The following TBC1D31 variants were observed in gnomAD, a reference collection of about 807,000 sequenced individuals.
The protein encoded by TBC1D31 is WD repeat domain 67.
A neutral mutation model predicts 132.9 loss-of-function variants in TBC1D31; 99 were observed. The observed-to-expected ratio is 0.74, with a 90% CI of 0.63 to 0.88. The LOEUF (loss-of-function observed/expected upper bound fraction) is 0.88. Among genes scored for constraint, TBC1D31 ranks in the 40% least tolerant of loss-of-function variants. The pLI is 0.00. For synonymous variants in TBC1D31, 385 were observed against 419.4 expected, an observed-to-expected ratio of 0.92 and a Z score of 1.00; for missense variants, 1,134 against 1,256.6, an observed-to-expected ratio of 0.90 and a Z score of 1.48.
At chr8:123,157,911 A>C in the TBC1D31 span, among the ~76,000 whole-genome samples, 1 of 151,802 alleles carries the variant, frequency 6.6e-6, no homozygotes, top group Admixed American at 6.6e-5. Flanking sequence ...TGCAGGACTG[A>C]CTGCAAGACT....
intron 4 of TBC1D31, among the ~76,000 whole-genome samples, chr8:123,087,396 C>A (rs1034528187): frequency 6.6e-6 from 1 of 152,188 alleles, no homozygotes; most frequent in East Asian, 1.9e-4. Flanking sequence ...CAATGCATGT[C>A]AACCAAAAAT....
chr8:123,159,079 C>A, the TBC1D31 span, among the ~76,000 whole-genome samples: 1 of 152,080 alleles, frequency 6.6e-6, no homozygotes, highest in Non-Finnish European at 1.5e-5. Context: ...TCACCTAGAT[C>A]CAGCTGTTTC....
the TBC1D31 span, among the ~76,000 whole-genome samples, chr8:123,162,860 T>A: frequency 8.5e-5 from 13 of 152,068 alleles, no homozygotes; most frequent in Non-Finnish European, 1.2e-4. Context: ...TTAGATGGCG[T>A]CTCACTCTGT....
chr8:123,145,871 C>CTTTTTTTTTTTTTTTTTTTT (rs57816964), intron 20 of TBC1D31, among the ~76,000 whole-genome samples: 1 of 133,516 alleles, frequency 7.5e-6, no homozygotes. Flanking sequence ...TTCTCTTTTT[C>CTTTTTTTTTTTTTTTTTTTT]TTTTTTTTTT....
At chr8:123,133,181 G>A (rs1183890792) in intron 16 of TBC1D31, among the ~76,000 whole-genome samples, 5 of 152,216 alleles carry the variant, frequency 3.3e-5, no homozygotes, top group Non-Finnish European at 7.3e-5. Flanking sequence ...AAAGCTGATC[G>A]GTTTTTGCTG....
intron 20 of TBC1D31, among the ~76,000 whole-genome samples, chr8:123,145,056 T>C (rs977326073): frequency 1.3e-5 from 2 of 152,084 alleles, no homozygotes; most frequent in East Asian, 3.9e-4. Flanking sequence ...CCCAAGTAGC[T>C]GGGACCATAG....
chr8:123,109,923 T>C (rs558546927), intron 10 of TBC1D31, among the ~76,000 whole-genome samples: 1 of 152,246 alleles, frequency 6.6e-6, no homozygotes, highest in South Asian at 2.1e-4. Context: ...GTGAAACCTA[T>C]CTCTACTAAA....
intron 4 of TBC1D31, among the ~76,000 whole-genome samples, chr8:123,091,697 T>G (rs1816340854): frequency 6.6e-6 from 1 of 152,234 alleles, no homozygotes; most frequent in South Asian, 2.1e-4. Flanking sequence ...TATATGTGTG[T>G]GTGTTGTACA....
chr8:123,148,439 G>A (rs1822450459), intron 20 of TBC1D31, among the ~76,000 whole-genome samples: 1 of 152,078 alleles, frequency 6.6e-6, no homozygotes, highest in Non-Finnish European at 1.5e-5. Flanking sequence ...AGATGAGAGG[G>A]AGCTGTGAGA....
chr8:123,079,835 C>A (rs4871344), intron 2 of TBC1D31, among the ~76,000 whole-genome samples: 43,271 of 151,874 alleles, frequency 0.28, 6,417 homozygotes, highest in Non-Finnish European at 0.32. Context: ...AGTTCAGCCC[C>A]CATTACCTTA....
In TBC1D31 at chr8:123,072,860, C is replaced by T; in HGVS notation, c.77+14C>T. 6.4e-7 allele frequency: 1 copy of T among 1,554,350 alleles called. No individual in the cohort carries two copies. The highest frequency in any genetic ancestry group is 8.7e-7 in the Non-Finnish European group (1 of 1,148,988). On this transcript the variant is annotated intron_variant, in intron 1 of 21. Transcript: ENST00000287380. ...CACGCGGGACGGGTAAAGGCCGTGG[C>T]GGGAGGGCGCGGGCTGTGGAGGGGA...
Position 123,141,014 on chromosome 8 carries a change from T to C in TBC1D31, c.2640+113T>C, listed in dbSNP as rs1821608075. The stretch of plus-strand genomic sequence containing the variant: ...GTGAAGTTGAGTTAGTTTGTTTCTT[T>C]GCTTCAGTTGTCACAGTTCCTAGAA... On this transcript the variant is annotated intron_variant, in intron 18 of 21. Transcript: ENST00000287380. 10 of 985,626 alleles carry C rather than the reference T, an allele frequency of 1.0e-5. No individual in the cohort carries two copies. In the South Asian group the frequency reaches 1.5e-4, roughly 15 times the overall value. 61.1% of individuals were successfully genotyped at this position (985,626 alleles called of 1,614,324 possible).
intron 11 of TBC1D31, among the ~76,000 whole-genome samples, chr8:123,125,588 G>T (rs1484066965): frequency 6.6e-6 from 1 of 152,072 alleles, no homozygotes; most frequent in Non-Finnish European, 1.5e-5. Context: ...ATACACATTT[G>T]TTTTTATATA....
chr8:123,140,589 C>T (rs924013066), intron 17 of TBC1D31, among the ~76,000 whole-genome samples, 172 bp from the exon 18 acceptor site: 5 of 151,984 alleles, frequency 3.3e-5, no homozygotes, highest in African/African-American at 1.2e-4. Flanking sequence ...AGAGGATTTC[C>T]AGGGGTCCTT....
intron 20 of TBC1D31, 66 bp from the exon 21 acceptor site, chr8:123,149,970 T>C: frequency 5.2e-6 from 6 of 1,161,216 alleles, no homozygotes; most frequent in Non-Finnish European, 7.7e-6. Flanking sequence ...CTAGGGACCA[T>C]TTGGAATTAG....
chr8:123,155,751 C>A (rs1365066273), downstream of TBC1D31, among the ~76,000 whole-genome samples: 2 of 152,162 alleles, frequency 1.3e-5, no homozygotes. This position sits in a 1 kb window ranked among gnomAD's most constrained non-coding sequence, Gnocchi z 4.1. Context: ...TTAACCCTTC[C>A]CCAAAGAAAC....
the TBC1D31 span, among the ~76,000 whole-genome samples, chr8:123,157,437 C>G: frequency 1.3e-5 from 2 of 152,190 alleles, no homozygotes; most frequent in African/African-American, 4.8e-5. Context: ...CGTCCTGCCC[C>G]TGTCCCGTTT....
Position 123,134,096 on chromosome 8 carries a change from TTTG to T in TBC1D31, c.2407-12_2407-10del. The T allele has an allele frequency of 6.3e-7, 1 of 1,577,786 alleles. No individual in the cohort carries two copies. The highest frequency in any genetic ancestry group is 8.7e-7 in the Non-Finnish European group (1 of 1,155,704). Reference sequence around the variant, plus strand: ...TGTAAATTCTTTTTGGTATTTACAGTTTGTTGTTTGGCCATAGGTATATATGAG... The same window carrying T: ...TGTAAATTCTTTTTGGTATTTACAGTTTGTTTGGCCATAGGTATATATGAG... On this transcript the variant is annotated splice_polypyrimidine_tract_variant and intron_variant, in intron 16 of 21. Transcript: ENST00000287380.
chr8:123,130,343 T>C lies in TBC1D31; in HGVS notation c.2406+10T>C. On this transcript the variant is annotated intron_variant, in intron 16 of 21. Coordinates refer to ENST00000287380, the MANE Select transcript of TBC1D31 (RefSeq NM_145647.4). ...TGAAATTGGGAGAAAGGTTTATTATTCTTAACTTAGTTCTCATACATCATC... is the reference window on the plus strand; with the variant it reads ...TGAAATTGGGAGAAAGGTTTATTATCCTTAACTTAGTTCTCATACATCATC... 6.2e-7 allele frequency: 1 copy of C among 1,605,728 alleles called. No homozygotes were observed.
Sources: allele counts gnomAD v4.1 joint callset (sites outside exome capture counted in the v4.1 genomes callset), GRCh38; gene constraint gnomAD v4.1.1; non-coding constraint Gnocchi (gnomAD v3.1); transcripts MANE v1.5; gene names NCBI Gene and HGNC (gene_info 2026-07-23, HGNC 2026-07-21).